SMYD3: variants seen among roughly 807,000 people sequenced by gnomAD.
The protein encoded by SMYD3 is histone-lysine N-methyltransferase SMYD3.
Under a neutral mutation model 57.7 loss-of-function variants are expected in SMYD3, and 36 were observed. That is an observed-to-expected ratio of 0.62 (90% CI 0.48 to 0.82). The LOEUF (loss-of-function observed/expected upper bound fraction) is 0.82, where lower values mean the gene tolerates loss of function less well. SMYD3 is among the 40% of genes least tolerant of loss of function. The pLI is 0.00. For missense variants in SMYD3, 515 were observed against 538.8 expected, an observed-to-expected ratio of 0.96 and a Z score of 0.44; for synonymous variants, 211 against 195.0, an observed-to-expected ratio of 1.08 and a Z score of -0.68.
chr1:246,397,722 C>A (rs750767639), intron 1 of SMYD3, among the ~76,000 whole-genome samples: 2 of 151,924 alleles, frequency 1.3e-5, no homozygotes, highest in African/African-American at 4.8e-5. Flanking sequence ...AGCAAAAGAA[C>A]AGGAGTTTAT....
chr1:245,899,253 A>T (rs1168764712), intron 8 of SMYD3, among the ~76,000 whole-genome samples: 2 of 151,340 alleles, frequency 1.3e-5, no homozygotes, highest in African/African-American at 4.9e-5. Flanking sequence ...TTACCTCTGT[A>T]TTTTTTTTTG....
intron 8 of SMYD3, among the ~76,000 whole-genome samples, chr1:245,869,461 G>A (rs1213156486): frequency 1.3e-5 from 2 of 152,194 alleles, no homozygotes; most frequent in African/African-American, 4.8e-5. Context: ...CCACTCTAGT[G>A]ATTTCAGCAG....
intron 5 of SMYD3, among the ~76,000 whole-genome samples, chr1:246,194,526 G>A (rs551045868): frequency 7.5e-4 from 114 of 152,198 alleles, no homozygotes; most frequent in South Asian, 2.1e-3. Context: ...TTAGGCCTCC[G>A]AAAGTGCTGG....
At chr1:246,330,274 T>C (rs76556172) in intron 4 of SMYD3, among the ~76,000 whole-genome samples, 3,954 of 152,346 alleles carry the variant, frequency 0.026, 67 homozygotes, top group African/African-American at 0.033. Context: ...AACATCTTCA[T>C]GGCGCTTTAC....
intron 8 of SMYD3, among the ~76,000 whole-genome samples, chr1:245,886,813 G>T (rs1190519765): frequency 6.6e-6 from 1 of 152,050 alleles, no homozygotes; most frequent in African/African-American, 2.4e-5. Context: ...GGGTCGAAAG[G>T]CCAACCTCAC....
chr1:246,474,378 G>A (rs1389125733), intron 1 of SMYD3, among the ~76,000 whole-genome samples: 1 of 152,030 alleles, frequency 6.6e-6, no homozygotes, highest in East Asian at 1.9e-4. Flanking sequence ...AATTAGCTGG[G>A]CGTGGTGGCA....
intron 10 of SMYD3, among the ~76,000 whole-genome samples, chr1:245,825,043 CCAAAA>C (rs1013823451): frequency 4.6e-5 from 7 of 152,020 alleles, no homozygotes; most frequent in African/African-American, 1.7e-4. Context: ...AAGAAAAAAA[CCAAAA>C]CAAAACAGGA....
intron 5 of SMYD3, among the ~76,000 whole-genome samples, chr1:246,157,418 T>G (rs568576330): frequency 7.5e-4 from 114 of 152,296 alleles, no homozygotes; most frequent in Admixed American, 1.6e-3. Context: ...TATAAACTCA[T>G]GAGCTTCCCA....
rs1330761114 is a variant in SMYD3, at chr1:246,387,478, T to C, written c.165-32384A>G. On this transcript the variant is annotated intron_variant, in intron 1 of 11. Coordinates refer to ENST00000490107, the MANE Select transcript of SMYD3 (RefSeq NM_001167740.2). ...TTAACATTTATTCATCCCACAGATA[T>C]TTGTTACCATGTGCCAGACATTGTG... Among the ~76,000 whole-genome samples the C allele has an allele frequency of 2.6e-5, 4 of 152,242 alleles. 1 individual carries two copies. The East Asian group carries it at 5.8e-4, about 22-fold the overall frequency.
chr1:246,105,964 T>G (rs1412222468), intron 5 of SMYD3, among the ~76,000 whole-genome samples: 5 of 152,214 alleles, frequency 3.3e-5, no homozygotes, highest in Admixed American at 2.0e-4. Context: ...CAGCTGTAAA[T>G]TAATTGAATG....
At chr1:245,846,021 C>T (rs1286267646) in intron 10 of SMYD3, among the ~76,000 whole-genome samples, 1 of 152,168 alleles carries the variant, frequency 6.6e-6, no homozygotes, top group African/African-American at 2.4e-5. Context: ...ATCCCAAATA[C>T]ACAGTTTTTA....
At chr1:245,858,402 G>A in intron 10 of SMYD3, 94 bp downstream of exon 10, 1 of 1,276,758 alleles carries the variant, frequency 7.8e-7, no homozygotes, top group Non-Finnish European at 1.1e-6. Context: ...AATGCTCCAT[G>A]CAAAGTAGTA....
chr1:246,502,042 C>T (rs2068463579), intron 1 of SMYD3, among the ~76,000 whole-genome samples: 1 of 152,064 alleles, frequency 6.6e-6, no homozygotes, highest in South Asian at 2.1e-4. Flanking sequence ...AGTCCTTGGC[C>T]AAGAGACATT....
chr1:246,326,718 C>T (rs893014440), intron 5 of SMYD3: 10 of 279,476 alleles, frequency 3.6e-5, no homozygotes, highest in Non-Finnish European at 5.9e-5. Context: ...GAGCCGAGAT[C>T]GCACCACTAC....
chr1:246,109,724 AT>A (rs1282058526), intron 5 of SMYD3: 1 of 152,166 alleles, frequency 6.6e-6, no homozygotes, highest in Non-Finnish European at 1.5e-5. Context: ...CTGATAATTG[AT>A]CTCCTGGTCT....
intron 8 of SMYD3, among the ~76,000 whole-genome samples, chr1:245,891,275 C>T (rs2053370577): frequency 1.3e-5 from 2 of 152,160 alleles, no homozygotes; most frequent in African/African-American, 2.4e-5. Flanking sequence ...AATGGATACC[C>T]CATTTATCCT....
rs188908878 is a variant in SMYD3, at chr1:246,052,090, G to A, written c.532-122153C>T. Among the ~76,000 whole-genome samples, 5 of 152,256 alleles carry A rather than the reference G, an allele frequency of 3.3e-5. No homozygotes were observed. In the East Asian group the frequency reaches 9.6e-4, roughly 29 times the overall value. ...AGATTATAAACTGCAACATAAAACG[G>A]CTGCATCATGCCTTTTAACATTTTT... is the stretch of plus-strand genomic sequence containing the variant. On this transcript the variant is annotated intron_variant, in intron 5 of 11. Transcript: ENST00000490107.
intron 5 of SMYD3, among the ~76,000 whole-genome samples, chr1:246,316,602 A>G (rs1477975091): frequency 2.3e-5 from 3 of 130,964 alleles, no homozygotes; most frequent in Non-Finnish European, 3.1e-5. Flanking sequence ...GATGGTCTTG[A>G]ACTCCTGACC....
chr1:246,366,317 G>T (rs1308500234), intron 1 of SMYD3, among the ~76,000 whole-genome samples: 1 of 152,088 alleles, frequency 6.6e-6, no homozygotes, highest in Non-Finnish European at 1.5e-5. Flanking sequence ...CATATTAAAT[G>T]ACTAAATAAA....
Sources: gnomAD v4.1 joint callset for allele counts (sites outside exome capture counted in the v4.1 genomes callset) on GRCh38, gnomAD v4.1.1 for gene constraint, MANE v1.5 for transcripts, NCBI Gene and HGNC (gene_info 2026-07-23, HGNC 2026-07-21) for gene names.